DAB1: variants seen among roughly 807,000 people sequenced by gnomAD.
DAB1 encodes the protein DAB adaptor protein 1.
In DAB1, 15 loss-of-function variants were observed where a neutral mutation model predicts 64.6. The ratio of observed to expected loss-of-function variants is 0.23; its 90% CI spans 0.16 to 0.36. DAB1 has a LOEUF of 0.36. DAB1 is among the 10% of genes least tolerant of loss of function. The pLI, the probability that DAB1 is intolerant of heterozygous loss-of-function variation, is 1.00. For synonymous variants in DAB1, 235 were observed against 251.9 expected (o/e 0.93, Z 0.64); for missense variants, 596 against 706.7 (o/e 0.84, Z 1.78).
At chr1:57,519,490 G>A (rs781647951) in intron 7 of DAB1, among the ~76,000 whole-genome samples, 8 of 152,188 alleles carry the variant, frequency 5.3e-5, no homozygotes, top group African/African-American at 1.2e-4. Flanking sequence ...CCCTATTTGC[G>A]GGTGACAAAA....
At chr1:57,449,419 AC>A (rs1686268485) in intron 7 of DAB1, among the ~76,000 whole-genome samples, 1 of 144,680 alleles carries the variant, frequency 6.9e-6, no homozygotes, top group South Asian at 2.1e-4. Flanking sequence ...TTGCTCTGTC[AC>A]CCAGGCTAGA....
intron 2 of DAB1, among the ~76,000 whole-genome samples, chr1:57,158,915 T>C (rs965541028): frequency 3.3e-5 from 5 of 152,202 alleles, no homozygotes; most frequent in African/African-American, 1.2e-4. Flanking sequence ...GTGCCTTGCA[T>C]AAAAGGCATC....
At chr1:58,229,984 A>T (rs2100348394) in intron 4 of DAB1, among the ~76,000 whole-genome samples, 1 of 152,284 alleles carries the variant, frequency 6.6e-6, no homozygotes, top group East Asian at 1.9e-4. Flanking sequence ...TCCAGTGCTC[A>T]TTCCAGTATG....
At chr1:57,324,625 C>T (rs1676006573) in intron 1 of DAB1, among the ~76,000 whole-genome samples, 1 of 152,064 alleles carries the variant, frequency 6.6e-6, no homozygotes, top group African/African-American at 2.4e-5. Flanking sequence ...CTATCCAAAA[C>T]CCTCAATGTG....
chr1:58,546,309 G>T lies in DAB1; in HGVS notation n.32+394C>A, dbSNP rs552052308. ...GGCAGAGGTGCCGGGTGAGGAGCCC[G>T]AAGCCCCGCGGGTGAGAAACCCTGC... On this transcript the variant is annotated intron_variant and non_coding_transcript_variant, in intron 1 of 20. Transcript: ENST00000485760. Among the ~76,000 whole-genome samples, 294 of 152,340 alleles carry T rather than the reference G, an allele frequency of 1.9e-3. 1 individual carries two copies. Among genetic ancestry groups the T allele is most frequent in the African/African-American group, 6.1e-3 (254 of 41,584 alleles).
At chr1:57,481,101 T>G (rs1247649946) in intron 7 of DAB1, among the ~76,000 whole-genome samples, 1 of 152,182 alleles carries the variant, frequency 6.6e-6, no homozygotes, top group African/African-American at 2.4e-5. Flanking sequence ...AGTGGCTCCC[T>G]AGTTTTGCTG....
intron 3 of DAB1, among the ~76,000 whole-genome samples, chr1:58,494,886 A>C (rs957856833): frequency 1.5e-4 from 23 of 152,336 alleles, no homozygotes; most frequent in Non-Finnish European, 2.5e-4. Flanking sequence ...CTAGAACTAG[A>C]AATACCATTT....
intron 1 of DAB1, among the ~76,000 whole-genome samples, chr1:57,322,974 A>G (rs1046951837): frequency 1.3e-5 from 2 of 152,290 alleles, no homozygotes; most frequent in African/African-American, 4.8e-5. Context: ...CTGGAATGTT[A>G]ATACGTTTAT....
intron 7 of DAB1, among the ~76,000 whole-genome samples, chr1:57,624,296 C>T (rs926944846): frequency 2.0e-5 from 3 of 152,122 alleles, no homozygotes; most frequent in South Asian, 2.1e-4. Flanking sequence ...CTTTTGGTGT[C>T]ACATGACACC....
At chr1:57,371,943 C>T (rs966561482) in intron 1 of DAB1, among the ~76,000 whole-genome samples, 1 of 152,156 alleles carries the variant, frequency 6.6e-6, no homozygotes, top group South Asian at 2.1e-4. Flanking sequence ...AACTATCTGG[C>T]ACAAAATGTC....
intron 4 of DAB1, among the ~76,000 whole-genome samples, chr1:58,283,491 C>T (rs890226957): frequency 2.0e-5 from 3 of 152,126 alleles, no homozygotes; most frequent in Non-Finnish European, 4.4e-5. Context: ...ACAAGACTTT[C>T]GGTGGCACAT....
chr1:57,668,083 T>C (rs950361456), intron 6 of DAB1, among the ~76,000 whole-genome samples: 1 of 152,004 alleles, frequency 6.6e-6, no homozygotes, highest in Non-Finnish European at 1.5e-5. Context: ...AGGAACTGAA[T>C]TTTTTACTTT....
chr1:57,926,397 G>T (rs1026008326), intron 5 of DAB1, among the ~76,000 whole-genome samples: 1 of 152,100 alleles, frequency 6.6e-6, no homozygotes, highest in Non-Finnish European at 1.5e-5. Flanking sequence ...GAACTTGCAG[G>T]TTTCACATGT....
chr1:58,284,878 C>T (rs1661647606), intron 4 of DAB1, among the ~76,000 whole-genome samples: 1 of 152,236 alleles, frequency 6.6e-6, no homozygotes, highest in Non-Finnish European at 1.5e-5. Flanking sequence ...CACCTTCTGA[C>T]TGCTTGAGGT....
chr1:58,425,556 A>G lies in DAB1; in HGVS notation n.257+80504T>C, dbSNP rs1470994354. Among the ~76,000 whole-genome samples the G allele has an allele frequency of 4.6e-5, 7 of 152,310 alleles. No homozygotes were observed. In the East Asian group the frequency reaches 1.4e-3, roughly 30 times the overall value. On this transcript the variant is annotated intron_variant and non_coding_transcript_variant, in intron 3 of 20. Transcript: ENST00000485760. ...AACAGTAACTAGAGCCTTTAGGGCA[A>G]AGAACTTGCCAAGGACAAATATAGG...
chr1:57,100,122 C>T (rs139358095), intron 4 of DAB1, among the ~76,000 whole-genome samples: 124 of 152,278 alleles, frequency 8.1e-4, no homozygotes, highest in African/African-American at 2.7e-3. Flanking sequence ...CCACTAGCTA[C>T]GGGATCTTGG....
chr1:57,256,095 T>C (rs1217911184), intron 2 of DAB1, among the ~76,000 whole-genome samples: 1 of 152,234 alleles, frequency 6.6e-6, no homozygotes, highest in Non-Finnish European at 1.5e-5. Context: ...TTACAATTGC[T>C]TGATATTATC....
intron 2 of DAB1, among the ~76,000 whole-genome samples, chr1:57,199,297 G>A (rs1177240106): frequency 2.0e-5 from 3 of 152,162 alleles, no homozygotes; most frequent in African/African-American, 7.2e-5. Flanking sequence ...AGATCAACTA[G>A]TGTTTACCTT....
chr1:58,505,633 C>T (rs761874081), intron 3 of DAB1, among the ~76,000 whole-genome samples: 3 of 152,006 alleles, frequency 2.0e-5, no homozygotes, highest in Non-Finnish European at 2.9e-5. Context: ...AAACAAATTC[C>T]AGTACCACTA....
Sources: gnomAD v4.1 joint callset for allele counts (sites outside exome capture counted in the v4.1 genomes callset) on GRCh38, gnomAD v4.1.1 for gene constraint, MANE v1.5 for transcripts, NCBI Gene and HGNC (gene_info 2026-07-23, HGNC 2026-07-21) for gene names.